The following SNTG2 variants were observed in gnomAD, a reference collection of about 807,000 sequenced individuals.
SNTG2 encodes syntrophin gamma 2, also known as gamma-2-syntrophin.
A neutral mutation model predicts 70.9 loss-of-function variants in SNTG2; 74 were observed. That is an observed-to-expected ratio of 1.04 (90% CI 0.86 to 1.27). The LOEUF (loss-of-function observed/expected upper bound fraction) is 1.27. Among genes scored for constraint, SNTG2 ranks in the 50% most tolerant of loss-of-function variants. The probability of loss-of-function intolerance (pLI) is 0.00; values close to 1 mark genes in which losing one functional copy is unlikely to be tolerated. For missense variants in SNTG2, 717 were observed against 690.7 expected (o/e 1.04, Z -0.43); for synonymous variants, 278 against 273.8 (o/e 1.02, Z -0.15).
chr2:1,075,723 TG>T (rs1217166025), intron 1 of SNTG2, among the ~76,000 whole-genome samples: 5 of 152,222 alleles, frequency 3.3e-5, no homozygotes, highest in Non-Finnish European at 5.9e-5. Flanking sequence ...TCTTTCTGTT[TG>T]TTGGATATGC....
intron 1 of SNTG2, among the ~76,000 whole-genome samples, chr2:1,072,201 C>T (rs540339226): frequency 4.3e-4 from 66 of 152,030 alleles, no homozygotes; most frequent in African/African-American, 1.6e-3. Flanking sequence ...CCAGGACTTT[C>T]ATAGCTGGAG....
chr2:1,080,090 C>T (rs545082083), intron 1 of SNTG2, among the ~76,000 whole-genome samples: 8 of 152,196 alleles, frequency 5.3e-5, no homozygotes, highest in African/African-American at 1.7e-4. Context: ...TCCCCCAGGG[C>T]GGTGGCGAGG....
intron 4 of SNTG2, among the ~76,000 whole-genome samples, chr2:1,136,286 T>A (rs1158064527): frequency 4.6e-5 from 7 of 151,450 alleles, no homozygotes; most frequent in African/African-American, 1.7e-4. Context: ...AACAACAGCA[T>A]GCGAAGAACT....
intron 8 of SNTG2, among the ~76,000 whole-genome samples, chr2:1,208,578 C>G (rs1673820147): frequency 6.6e-6 from 1 of 152,212 alleles, no homozygotes; most frequent in East Asian, 1.9e-4. Context: ...AGACGGGCTT[C>G]CTGTCGAGAG....
intron 12 of SNTG2, among the ~76,000 whole-genome samples, chr2:1,254,618 T>A (rs1677942939): frequency 6.6e-6 from 1 of 152,214 alleles, no homozygotes; most frequent in African/African-American, 2.4e-5. Context: ...CAAACTATAT[T>A]GTTCTGGGGC....
At chr2:1,135,743 A>G (rs1308106825) in intron 4 of SNTG2, among the ~76,000 whole-genome samples, 3 of 152,214 alleles carry the variant, frequency 2.0e-5, no homozygotes, top group Admixed American at 6.5e-5. Context: ...AAAAAAACAA[A>G]GACATTATCT....
At chr2:1,335,223 C>T (rs2148288759) in intron 16 of SNTG2, among the ~76,000 whole-genome samples, 1 of 152,306 alleles carries the variant, frequency 6.6e-6, no homozygotes, top group South Asian at 2.1e-4. Flanking sequence ...GACAGATGCT[C>T]CGTAAATGTT....
intron 2 of SNTG2, among the ~76,000 whole-genome samples, chr2:1,086,341 A>G (rs1029004931): frequency 3.3e-5 from 5 of 152,102 alleles, no homozygotes; most frequent in African/African-American, 1.2e-4. Flanking sequence ...TCTCCTGCAT[A>G]GAAGCAGAAA....
chr2:1,147,852 T>C (rs984770511), intron 6 of SNTG2, among the ~76,000 whole-genome samples: 2 of 152,264 alleles, frequency 1.3e-5, no homozygotes, highest in South Asian at 4.1e-4. Context: ...TTCACAAATA[T>C]TATTCCGAAA....
chr2:1,139,633 C>T (rs1668619459), intron 6 of SNTG2, among the ~76,000 whole-genome samples: 1 of 151,922 alleles, frequency 6.6e-6, no homozygotes, highest in Admixed American at 6.6e-5. Flanking sequence ...CAAGTCCAGC[C>T]TGGGCAACAT....
At chr2:1,254,305 G>A (rs1424695649) in intron 12 of SNTG2, among the ~76,000 whole-genome samples, 1 of 152,144 alleles carries the variant, frequency 6.6e-6, no homozygotes, top group Non-Finnish European at 1.5e-5. Context: ...TTAAAGCCGG[G>A]ACTCTCAACA....
At chr2:1,293,999 G>A (rs1283661861) in intron 14 of SNTG2, among the ~76,000 whole-genome samples, 2 of 152,226 alleles carry the variant, frequency 1.3e-5, no homozygotes, top group Non-Finnish European at 2.9e-5. Flanking sequence ...GTCCAAGTCA[G>A]ACGGTGCCAC....
chr2:1,014,895 G>A (rs1659837282), intron 1 of SNTG2, among the ~76,000 whole-genome samples: 1 of 152,114 alleles, frequency 6.6e-6, no homozygotes, highest in Admixed American at 6.5e-5. Flanking sequence ...TGAGGGGAGG[G>A]GTGGGAGTTG....
chr2:1,237,795 G>A (rs1676766289), intron 9 of SNTG2, 93 bp from the exon 10 acceptor site: 1 of 1,486,612 alleles, frequency 6.7e-7, no homozygotes, highest in South Asian at 1.3e-5. Context: ...TGGGTCCAGG[G>A]TAGAGCCCTG....
At chr2:1,311,831 A>G (rs1206288879) in intron 15 of SNTG2, among the ~76,000 whole-genome samples, 1 of 152,222 alleles carries the variant, frequency 6.6e-6, no homozygotes, top group Non-Finnish European at 1.5e-5. Flanking sequence ...CTTTTACACC[A>G]CACTATCCTG....
chr2:1,046,910 C>T lies in SNTG2; in HGVS notation c.73-36608C>T, dbSNP rs13431975. Among the ~76,000 whole-genome samples, 1,042 of 152,126 alleles carry T rather than the reference C, an allele frequency of 6.8e-3. 12 individuals are homozygous for T. The highest frequency in any genetic ancestry group is 0.024 in the African/African-American group (984 of 41,512). On this transcript the variant is annotated intron_variant, in intron 1 of 16. Coordinates refer to ENST00000308624, the MANE Select transcript of SNTG2 (RefSeq NM_018968.4). ...TAAATTTGAACGTTGACCTTTCTAG[C>T]GAGAATGGGGAAATTTTTGTTGTTA...
At chr2:1,222,099 C>G (rs1181033340) in intron 9 of SNTG2, among the ~76,000 whole-genome samples, 4 of 14,592 alleles carry the variant, frequency 2.7e-4, no homozygotes, top group Admixed American at 6.5e-4. Flanking sequence ...CTCTCTGTCT[C>G]TCTCTGTCTC....
chr2:1,208,437 C>T (rs963168892), intron 8 of SNTG2, among the ~76,000 whole-genome samples: 14 of 152,190 alleles, frequency 9.2e-5, no homozygotes, highest in African/African-American at 2.4e-4. Flanking sequence ...GCTCAGGCTC[C>T]TCTTTGAGAA....
intron 14 of SNTG2, among the ~76,000 whole-genome samples, chr2:1,288,420 A>G (rs1053228478): frequency 6.6e-6 from 1 of 152,194 alleles, no homozygotes; most frequent in Non-Finnish European, 1.5e-5. Flanking sequence ...TAACTAAGTT[A>G]ATGGTGCTCA....
Sources: gnomAD v4.1 joint callset for allele counts (sites outside exome capture counted in the v4.1 genomes callset) on GRCh38, gnomAD v4.1.1 for gene constraint, MANE v1.5 for transcripts, NCBI Gene and HGNC (gene_info 2026-07-23, HGNC 2026-07-21) for gene names.